The following PRKCE variants were observed in gnomAD, a reference collection of about 807,000 sequenced individuals.
PRKCE encodes protein kinase C epsilon type.
PRKCE carries 16 observed loss-of-function variants against 85.4 expected under a neutral mutation model. The ratio of observed to expected loss-of-function variants is 0.19; its 90% CI spans 0.13 to 0.28. PRKCE has a LOEUF of 0.28. Ranked by LOEUF, PRKCE falls within the 10% of genes least tolerant of loss-of-function variation. PRKCE has a pLI of 1.00. For synonymous variants in PRKCE, 388 were observed against 371.5 expected (o/e 1.04, Z -0.51); for missense variants, 573 against 975.2 (o/e 0.59, Z 5.49).
chr2:45,710,050 A>T (rs1371434299), intron 1 of PRKCE, among the ~76,000 whole-genome samples: 1 of 152,120 alleles, frequency 6.6e-6, no homozygotes, highest in East Asian at 1.9e-4. Flanking sequence ...ACCTCAAGTG[A>T]TCCGGAAAGT....
intron 11 of PRKCE, among the ~76,000 whole-genome samples, chr2:46,140,638 C>T (rs1216975167): frequency 2.6e-5 from 4 of 152,110 alleles, no homozygotes; most frequent in Non-Finnish European, 5.9e-5. Context: ...CAAATTAAGA[C>T]ATAAAATCCA....
chr2:45,658,734 G>C (rs1186555993), intron 1 of PRKCE, among the ~76,000 whole-genome samples: 1 of 152,174 alleles, frequency 6.6e-6, no homozygotes, highest in East Asian at 1.9e-4. Context: ...TGTGTTCATA[G>C]TTTTAGAATC....
intron 2 of PRKCE, among the ~76,000 whole-genome samples, chr2:45,926,069 T>C (rs529854483): frequency 6.6e-6 from 1 of 152,314 alleles, no homozygotes; most frequent in East Asian, 1.9e-4. Flanking sequence ...GTGCCAGTTT[T>C]TTTCTACATC....
intron 2 of PRKCE, among the ~76,000 whole-genome samples, chr2:45,954,753 T>C (rs548971038): frequency 6.6e-6 from 1 of 152,326 alleles, no homozygotes; most frequent in South Asian, 2.1e-4. Flanking sequence ...TGCATGCTCT[T>C]GTAGGCCCTT....
At position 46,138,652 on chromosome 2, in the gene PRKCE, C is replaced by T. The variant is rs1193398718; in HGVS notation, c.1593-6441C>T. Among the ~76,000 whole-genome samples the T allele has an allele frequency of 6.6e-6, 1 of 152,124 alleles. No homozygotes were observed. The highest frequency in any genetic ancestry group is 1.9e-4 in the East Asian group (1 of 5,182). ...TTAAGACTCAGATTAGAGCAGTGGT[C>T]GTCAACCAGAGGGCCTGCAAGGGAC... On this transcript the variant is annotated intron_variant, in intron 11 of 14. Coordinates refer to ENST00000306156, the MANE Select transcript of PRKCE (RefSeq NM_005400.3). The surrounding 1 kb of genome is among the most constrained non-coding windows in gnomAD (Gnocchi z 4.2).
At position 45,652,510 on chromosome 2, in the gene PRKCE, G is replaced by A; in HGVS notation, c.348+62G>A. On this transcript the variant is annotated intron_variant, in intron 1 of 14. Transcript: ENST00000306156. This position sits in a 1 kb window ranked among gnomAD's most constrained non-coding sequence, Gnocchi z 7.7. ...GTTGTGGGGTCCCGGGGAAAGACTCGCTGGTCTTGATCGTAGGGCTCCGGG... is the reference window on the plus strand; with the variant it reads ...GTTGTGGGGTCCCGGGGAAAGACTCACTGGTCTTGATCGTAGGGCTCCGGG... 1 of 1,443,472 alleles carries A rather than the reference G, an allele frequency of 6.9e-7. No homozygotes were observed. The highest frequency in any genetic ancestry group is 9.3e-7 in the Non-Finnish European group (1 of 1,072,338). The allele number at this position is 1,443,472 out of a possible 1,614,324, so 89.4% of individuals were successfully genotyped here. A position where few individuals can be genotyped will look rare whatever the true frequency, so the allele number is the denominator to read the frequency against.
chr2:45,866,422 C>T (rs1046109311), intron 2 of PRKCE, among the ~76,000 whole-genome samples: 5 of 152,222 alleles, frequency 3.3e-5, no homozygotes, highest in African/African-American at 9.6e-5. Context: ...ATTCTCCTGC[C>T]TCAGCCTCCC....
At chr2:46,067,477 C>G (rs112465151) in intron 10 of PRKCE, among the ~76,000 whole-genome samples, 1 of 152,314 alleles carries the variant, frequency 6.6e-6, no homozygotes, top group Admixed American at 6.5e-5. Context: ...TGTGGCCTGG[C>G]CTTTGCTCCC....
rs557874399 is a variant in PRKCE, at chr2:46,091,056, C to G, written c.1592+4694C>G. Reference sequence around the variant, plus strand: ...TTGAAAGAGAGCCCAAACAGATAGACACAATCTCCTTTTCCTCTGGTTTCT... The same window carrying G: ...TTGAAAGAGAGCCCAAACAGATAGAGACAATCTCCTTTTCCTCTGGTTTCT... On this transcript the variant is annotated intron_variant, in intron 11 of 14. Transcript: ENST00000306156. Among the ~76,000 whole-genome samples the G allele has an allele frequency of 7.1e-4, 108 of 152,148 alleles. 1 individual carries two copies. Among genetic ancestry groups the G allele is most frequent in the Middle Eastern group, 3.4e-3 (1 of 294 alleles).
At chr2:45,747,643 A>G (rs1005779150) in intron 1 of PRKCE, among the ~76,000 whole-genome samples, 1 of 152,148 alleles carries the variant, frequency 6.6e-6, no homozygotes, top group Non-Finnish European at 1.5e-5. Context: ...CCTTTTGGCT[A>G]TTGAATAATG....
At chr2:45,755,102 C>T (rs1337347309) in intron 1 of PRKCE, among the ~76,000 whole-genome samples, 1 of 152,182 alleles carries the variant, frequency 6.6e-6, no homozygotes, top group Non-Finnish European at 1.5e-5. Context: ...TTTTGGCACA[C>T]AGCAGTCCTC....
At position 46,110,697 on chromosome 2, in the gene PRKCE, T is replaced by G. The variant is rs540591374; in HGVS notation, c.1592+24335T>G. ...TTTTTCTGTTTTACATTTCATTAAT[T>G]TATGCTCTGATTTCTATTATTTGTT... On this transcript the variant is annotated intron_variant, in intron 11 of 14. Coordinates refer to ENST00000306156, the MANE Select transcript of PRKCE (RefSeq NM_005400.3). Among the ~76,000 whole-genome samples, 16 of 152,120 alleles carry G rather than the reference T, an allele frequency of 1.1e-4. No homozygotes were observed. The East Asian group carries it at 1.2e-3, about 11-fold the overall frequency.
At chr2:46,074,134 C>CT (rs1668318886) in intron 10 of PRKCE, 1 of 152,108 alleles carries the variant, frequency 6.6e-6, no homozygotes, top group South Asian at 2.1e-4. Context: ...GGTCAGCTTC[C>CT]TGGCCTGATT....
chr2:45,701,524 G>C (rs1319921111), intron 1 of PRKCE: 1 of 152,198 alleles, frequency 6.6e-6, no homozygotes, highest in Non-Finnish European at 1.5e-5. Context: ...CATACTAACA[G>C]GTAAATGATA....
At chr2:45,992,595 C>T (rs1226979477) in intron 6 of PRKCE, among the ~76,000 whole-genome samples, 6 of 152,202 alleles carry the variant, frequency 3.9e-5, no homozygotes, top group Non-Finnish European at 8.8e-5. Flanking sequence ...TGAAATCAAA[C>T]CATTGCCCTG....
At chr2:45,719,749 C>G (rs1404123133) in intron 1 of PRKCE, among the ~76,000 whole-genome samples, 1 of 152,224 alleles carries the variant, frequency 6.6e-6, no homozygotes, top group East Asian at 1.9e-4. Flanking sequence ...AACCCTCCTC[C>G]CCACAAAAAC....
chr2:45,796,886 A>G (rs1210716682), intron 1 of PRKCE, among the ~76,000 whole-genome samples: 1 of 152,190 alleles, frequency 6.6e-6, no homozygotes, highest in Non-Finnish European at 1.5e-5. Flanking sequence ...CCAGAGTGCT[A>G]AGAGTATAGG....
Position 45,904,305 on chromosome 2 carries a change from T to C in PRKCE, c.412+61242T>C, listed in dbSNP as rs537525762. Among the ~76,000 whole-genome samples the C allele has an allele frequency of 5.3e-5, 8 of 152,078 alleles. No individual in the cohort carries two copies. In the South Asian group the frequency reaches 1.7e-3, roughly 32 times the overall value. On this transcript the variant is annotated intron_variant, in intron 2 of 14. Coordinates refer to ENST00000306156, the MANE Select transcript of PRKCE (RefSeq NM_005400.3). Reference sequence around the variant, plus strand: ...CCGGTTGCGTGCGAACCGAGAAGTCTTGAAACCAAAAGAACTCCAAGTTCC... The same window carrying C: ...CCGGTTGCGTGCGAACCGAGAAGTCCTGAAACCAAAAGAACTCCAAGTTCC...
intron 11 of PRKCE, among the ~76,000 whole-genome samples, 176 bp from the exon 12 acceptor site, chr2:46,144,917 A>G (rs1432798182): frequency 1.3e-5 from 2 of 152,212 alleles, no homozygotes; most frequent in East Asian, 3.8e-4. Context: ...AGGTGCCGTT[A>G]GGGGCTGACT....
Sources: gnomAD v4.1 joint callset for allele counts (sites outside exome capture counted in the v4.1 genomes callset) on GRCh38, gnomAD v4.1.1 for gene constraint, Gnocchi (gnomAD v3.1) non-coding constraint, MANE v1.5 for transcripts, NCBI Gene and HGNC (gene_info 2026-07-23, HGNC 2026-07-21) for gene names.